The following CFAP70 variants were observed in gnomAD, a reference collection of about 807,000 sequenced individuals.
CFAP70 encodes cilia- and flagella-associated protein 70.
A neutral mutation model predicts 137.6 loss-of-function variants in CFAP70; 81 were observed. That is an observed-to-expected ratio of 0.59 (90% CI 0.49 to 0.71). The LOEUF (loss-of-function observed/expected upper bound fraction) is 0.71, where lower values mean the gene tolerates loss of function less well. Ranked by LOEUF, CFAP70 falls within the 30% of genes least tolerant of loss-of-function variation. The probability of loss-of-function intolerance (pLI) is 0.00; values close to 1 mark genes in which losing one functional copy is unlikely to be tolerated. For synonymous variants in CFAP70, 382 were observed against 423.6 expected (o/e 0.90, Z 1.20); for missense variants, 976 against 1,226.7 (o/e 0.80, Z 3.05).
At chr10:73,306,589 A>C (rs2049399455) in intron 12 of CFAP70, among the ~76,000 whole-genome samples, 1 of 152,162 alleles carries the variant, frequency 6.6e-6, no homozygotes, top group Non-Finnish European at 1.5e-5. Context: ...TAAGAATTCT[A>C]TATCCAGGTG....
At chr10:73,351,061 GTGTGTGTGTGTATATATATATATA>G (rs1273305342) in intron 3 of CFAP70, among the ~76,000 whole-genome samples, 1 of 55,592 alleles carries the variant, frequency 1.8e-5, no homozygotes, top group Non-Finnish European at 3.0e-5. Context: ...GTGTGTGTGT[GTGTGTGTGTGTATATATATATATA>G]TATATATATA....
intron 19 of CFAP70, among the ~76,000 whole-genome samples, chr10:73,283,749 T>G (rs7898696): frequency 0.11 from 16,443 of 152,100 alleles, 1,288 homozygotes; most frequent in East Asian, 0.3. Context: ...GGGGGACAGG[T>G]TCTCACTATG....
chr10:73,300,635 G>C (rs1225072732), intron 12 of CFAP70, among the ~76,000 whole-genome samples: 2 of 152,140 alleles, frequency 1.3e-5, no homozygotes, highest in Non-Finnish European at 2.9e-5. Context: ...GGCCGAGGCG[G>C]GTGGATTGCC....
rs2046425048 is a variant in CFAP70 at position 73,272,909 on chromosome 10, C to T, written c.2925+19G>A. On this transcript the variant is annotated intron_variant, in intron 24 of 26. Coordinates refer to ENST00000310715, the Ensembl canonical transcript of CFAP70. ...TCAGCTGTATCCACAGCCCTAGTCT[C>T]AAGCCTTCATCCTCTTACCCGATAG... The T allele has an allele frequency of 3.2e-6, 5 of 1,550,154 alleles. No individual in the cohort carries two copies. The East Asian group carries it at 1.2e-4, about 38-fold the overall frequency.
chr10:73,257,031 C>T (rs1458911035), intron 25 of CFAP70, among the ~76,000 whole-genome samples: 2 of 151,770 alleles, frequency 1.3e-5, no homozygotes, highest in African/African-American at 4.8e-5. Context: ...TGAAGCCATT[C>T]TGTTAATAAT....
intron 10 of CFAP70, 73 bp from the exon 12 acceptor site, chr10:73,311,987 T>G: frequency 8.8e-7 from 1 of 1,130,074 alleles, no homozygotes; most frequent in Non-Finnish European, 1.3e-6. Context: ...CAATGTTCTC[T>G]ACACTGCATC....
At chr10:73,306,470 T>C (rs2049387450) in intron 12 of CFAP70, among the ~76,000 whole-genome samples, 1 of 152,108 alleles carries the variant, frequency 6.6e-6, no homozygotes, top group Non-Finnish European at 1.5e-5. Context: ...ACTTGTCACA[T>C]ACAAGTGATC....
At chr10:73,310,234 C>T (rs767438813) in exon 12 of CFAP70, 11 of 1,611,468 alleles carry the variant, frequency 6.8e-6, no homozygotes, top group Non-Finnish European at 9.3e-6. Flanking sequence ...ATGTATGTCC[C>T]TGCTTCTACA....
chr10:73,298,912 G>A, exon 14 of CFAP70: 3 of 1,613,798 alleles, frequency 1.9e-6, no homozygotes, highest in Non-Finnish European at 2.5e-6. Flanking sequence ...TTTACCTTGA[G>A]TTGTTCTTTG....
intron 25 of CFAP70, among the ~76,000 whole-genome samples, chr10:73,261,438 C>T (rs1400954152): frequency 6.6e-6 from 1 of 152,182 alleles, no homozygotes. Flanking sequence ...GCCTCACAAT[C>T]ATGGTGGAAG....
intron 24 of CFAP70, 48 bp from the exon 26 acceptor site, chr10:73,269,763 T>TTATTGGGACATAGTG: frequency 8.5e-7 from 1 of 1,173,118 alleles, no homozygotes; most frequent in Non-Finnish European, 1.3e-6. Context: ...GAAACCACTA[T>TTATTGGGACATAGTG]GTCCCAATAA....
intron 19 of CFAP70, among the ~76,000 whole-genome samples, chr10:73,289,029 T>A (rs1343941137): frequency 3.3e-5 from 5 of 152,194 alleles, no homozygotes; most frequent in Non-Finnish European, 7.3e-5. Flanking sequence ...ATATCCTTTG[T>A]TGCCTCTCTT....
chr10:73,348,864 A>G (rs1589590839), intron 3 of CFAP70, among the ~76,000 whole-genome samples: 1 of 151,970 alleles, frequency 6.6e-6, no homozygotes, highest in Non-Finnish European at 1.5e-5. Context: ...GGAGTTCGAG[A>G]CCACCCTGAC....
intron 9 of CFAP70, among the ~76,000 whole-genome samples, chr10:73,320,035 A>T (rs1286291637): frequency 2.0e-5 from 3 of 152,200 alleles, no homozygotes; most frequent in Admixed American, 6.5e-5. Flanking sequence ...TATTTCAGAA[A>T]TAGTAGCTAT....
chr10:73,342,805 G>A (rs1352589705), intron 5 of CFAP70, among the ~76,000 whole-genome samples: 3 of 151,796 alleles, frequency 2.0e-5, no homozygotes, highest in South Asian at 4.2e-4. Context: ...GTCCAGTCAC[G>A]GTGGCTCACA....
chr10:73,323,699 T>C (rs545026265), intron 8 of CFAP70, among the ~76,000 whole-genome samples: 1 of 152,338 alleles, frequency 6.6e-6, no homozygotes, highest in South Asian at 2.1e-4. Flanking sequence ...TGGAGGGTCC[T>C]ATGCCCATGG....
upstream of CFAP70, among the ~76,000 whole-genome samples, chr10:73,361,348 C>A (rs1410134598): frequency 7.0e-6 from 1 of 143,012 alleles, no homozygotes; most frequent in African/African-American, 2.6e-5. Context: ...AGTTCAGTGG[C>A]ATGATATGAT....
chr10:73,353,786 G>A, intron 2 of CFAP70, 44 bp from the exon 3 acceptor site: 2 of 1,580,742 alleles, frequency 1.3e-6, no homozygotes, highest in Non-Finnish European at 1.7e-6. Flanking sequence ...TTCAAATAGA[G>A]AATTTTCCCA....
At chr10:73,297,949 C>A (rs1184500829) in intron 14 of CFAP70, among the ~76,000 whole-genome samples, 2 of 152,176 alleles carry the variant, frequency 1.3e-5, no homozygotes, top group Non-Finnish European at 2.9e-5. Flanking sequence ...TGAGACATGA[C>A]GACACCACCT....
Sources: gnomAD v4.1 joint callset for allele counts (sites outside exome capture counted in the v4.1 genomes callset) on GRCh38, gnomAD v4.1.1 for gene constraint, MANE v1.5 for transcripts, NCBI Gene and HGNC (gene_info 2026-07-23, HGNC 2026-07-21) for gene names.